Variants in SH3KBP1 observed in about 807,000 individuals in gnomAD.
SH3KBP1 encodes the protein SH3 domain containing kinase binding protein 1.
A neutral mutation model predicts 50.1 loss-of-function variants in SH3KBP1; 8 were observed. That is an observed-to-expected ratio of 0.16 (90% CI 0.09 to 0.29). The LOEUF (loss-of-function observed/expected upper bound fraction) is 0.29, where lower values mean the gene tolerates loss of function less well. SH3KBP1 is among the 10% of genes least tolerant of loss of function. The pLI, the probability that SH3KBP1 is intolerant of heterozygous loss-of-function variation, is 1.00. For synonymous variants in SH3KBP1, 227 were observed against 218.6 expected (o/e 1.04, Z -0.34); for missense variants, 377 against 535.2 (o/e 0.70, Z 2.92).
chrX:19,540,669 C>T (rs1245133880), intron 16 of SH3KBP1, among the ~76,000 whole-genome samples: 2 of 111,403 alleles, frequency 1.8e-5, no homozygotes, highest in Non-Finnish European at 3.8e-5. Context: ...CTGTCACCAC[C>T]CCAGGCACCT....
chrX:19,844,902 A>T (rs1421191868), intron 1 of SH3KBP1, among the ~76,000 whole-genome samples: 5 of 109,730 alleles, frequency 4.6e-5, no homozygotes, highest in African/African-American at 1.7e-4. Flanking sequence ...AGATGGTGAA[A>T]CGCCGTCTCT....
chrX:19,643,814 G>A (rs1177469945), intron 7 of SH3KBP1, among the ~76,000 whole-genome samples: 1 of 111,443 alleles, frequency 9.0e-6, no homozygotes, highest in Non-Finnish European at 1.9e-5. Context: ...AAGATGCTGG[G>A]ATAAACCCTG....
chrX:19,755,228 G>T (rs2065176726), intron 2 of SH3KBP1, among the ~76,000 whole-genome samples: 1 of 111,267 alleles, frequency 9.0e-6, no homozygotes, highest in African/African-American at 3.3e-5. Context: ...AATTATCAGG[G>T]TGTGGTGGCG....
rs73457620 is a variant in SH3KBP1, at chrX:19,546,554, C to T, written c.1495-504G>A. On this transcript the variant is annotated intron_variant, in intron 14 of 17. Transcript: ENST00000397821. ...CCATGATCACTAAATCTGCTGCATA[C>T]GGAAGTGCCCTAAAGGATGTGTCTG... Among the ~76,000 whole-genome samples, 928 of 111,982 alleles carry T rather than the reference C, an allele frequency of 8.3e-3. 7 individuals are homozygous for T. Among genetic ancestry groups the T allele is most frequent in the Middle Eastern group, 0.032 (7 of 218 alleles).
intron 3 of SH3KBP1, among the ~76,000 whole-genome samples, chrX:19,727,564 A>G (rs1333581084): frequency 8.9e-6 from 1 of 112,692 alleles, no homozygotes; most frequent in Non-Finnish European, 1.9e-5. Flanking sequence ...GGTTGCTTCC[A>G]CCTTTTGCCT....
Position 19,623,115 on chromosome X carries a change from A to C in SH3KBP1, c.897+8749T>G, listed in dbSNP as rs1034491054. 2.7e-5 allele frequency among the ~76,000 whole-genome samples: 3 copies of C among 109,928 alleles called. No homozygotes were observed. In the East Asian group the frequency reaches 8.5e-4, roughly 31 times the overall value. On this transcript the variant is annotated intron_variant, in intron 8 of 17. Transcript: ENST00000397821. ...TACATTAGGATTCAGGATGCTAAGG[A>C]ATCATTTACCCATGCTGCCAAGGAT... is the stretch of plus-strand genomic sequence containing the variant.
intron 3 of SH3KBP1, among the ~76,000 whole-genome samples, chrX:19,715,191 C>T (rs2063878333): frequency 9.5e-6 from 1 of 105,779 alleles, no homozygotes. Flanking sequence ...GAGGATTGTC[C>T]GAGCTTGGGG....
At chrX:19,757,042 G>A (rs1405157126) in intron 2 of SH3KBP1, among the ~76,000 whole-genome samples, 1 of 110,505 alleles carries the variant, frequency 9.0e-6, no homozygotes, top group Non-Finnish European at 1.9e-5. Flanking sequence ...GTCCCTTTTA[G>A]CTGGCACCAT....
At chrX:19,851,600 G>A (rs1444796734) in intron 1 of SH3KBP1, among the ~76,000 whole-genome samples, 1 of 112,728 alleles carries the variant, frequency 8.9e-6, no homozygotes, top group Non-Finnish European at 1.9e-5. Context: ...GCAGTGGCAC[G>A]ATCATGGCTC....
At chrX:19,720,052 C>A (rs140852219) in intron 3 of SH3KBP1, among the ~76,000 whole-genome samples, 8 of 109,812 alleles carry the variant, frequency 7.3e-5, no homozygotes, top group Non-Finnish European at 1.5e-4. Context: ...CCACCTGACT[C>A]TCTCCCTTTT....
intron 5 of SH3KBP1, among the ~76,000 whole-genome samples, chrX:19,686,068 C>T (rs771859189): frequency 1.2e-4 from 13 of 111,435 alleles, no homozygotes; most frequent in Non-Finnish European, 2.4e-4. Flanking sequence ...TACTAATCAC[C>T]GTGAGAAATA....
chrX:19,846,018 A>C (rs181785190), intron 1 of SH3KBP1, among the ~76,000 whole-genome samples: 1 of 111,631 alleles, frequency 9.0e-6, no homozygotes, highest in East Asian at 2.8e-4. Flanking sequence ...AAATGGACTT[A>C]ATTGTAGTCT....
intron 12 of SH3KBP1, among the ~76,000 whole-genome samples, chrX:19,582,999 A>G (rs1481631704): frequency 9.2e-6 from 1 of 109,259 alleles, no homozygotes; most frequent in Non-Finnish European, 1.9e-5. Context: ...CAATTACTAG[A>G]GCTAAGGGCA....
chrX:19,883,592 G>T (rs772826950), intron 1 of SH3KBP1, among the ~76,000 whole-genome samples: 1 of 111,628 alleles, frequency 9.0e-6, no homozygotes, highest in Non-Finnish European at 1.9e-5. Flanking sequence ...GCTGGGAGCT[G>T]GCCAGGCACC....
chrX:19,634,770 T>C (rs1264676167), intron 7 of SH3KBP1, among the ~76,000 whole-genome samples: 3 of 111,778 alleles, frequency 2.7e-5, no homozygotes, highest in African/African-American at 9.8e-5. Flanking sequence ...TGTCCTCAGG[T>C]GTAAAATCAG....
intron 13 of SH3KBP1, among the ~76,000 whole-genome samples, chrX:19,550,816 A>G (rs1311387704): frequency 9.1e-6 from 1 of 110,308 alleles, no homozygotes; most frequent in East Asian, 2.8e-4. Context: ...ATGTTAACTG[A>G]CAACCCCGAT....
chrX:19,796,363 G>A (rs1356024119), intron 2 of SH3KBP1, among the ~76,000 whole-genome samples: 1 of 111,917 alleles, frequency 8.9e-6, no homozygotes, highest in African/African-American at 3.2e-5. Flanking sequence ...TCAACTCCCT[G>A]GAATTGGTGT....
chrX:19,671,136 C>G (rs1290431381), intron 6 of SH3KBP1: 2 of 548,382 alleles, frequency 3.6e-6, no homozygotes, highest in African/African-American at 4.8e-5. Context: ...TCCTGGGGCC[C>G]CCAGGTGTGA....
intron 9 of SH3KBP1, 67 bp downstream of exon 9, chrX:19,607,871 C>T: frequency 1.1e-6 from 1 of 927,104 alleles, no homozygotes; most frequent in Non-Finnish European, 1.6e-6. Context: ...TTACACCAAA[C>T]TTCCCCCATC....
Sources: allele counts gnomAD v4.1 joint callset (sites outside exome capture counted in the v4.1 genomes callset), GRCh38; gene constraint gnomAD v4.1.1; transcripts MANE v1.5; gene names NCBI Gene and HGNC (gene_info 2026-07-23, HGNC 2026-07-21).